DNAH1: variants seen among roughly 807,000 people sequenced by gnomAD.
The protein encoded by DNAH1 is dynein axonemal heavy chain 1.
Under a neutral mutation model 484.3 loss-of-function variants are expected in DNAH1, and 327 were observed. The observed-to-expected ratio is 0.68, with a 90% CI of 0.62 to 0.74. The LOEUF (loss-of-function observed/expected upper bound fraction) is 0.74, where lower values mean the gene tolerates loss of function less well. Ranked by LOEUF, DNAH1 falls within the 30% of genes least tolerant of loss-of-function variation. The probability of loss-of-function intolerance (pLI) is 0.00; values close to 1 mark genes in which losing one functional copy is unlikely to be tolerated. For synonymous variants in DNAH1, 2,192 were observed against 2,191.9 expected (o/e 1.00, Z 0.00); for missense variants, 5,052 against 5,546.8 (o/e 0.91, Z 2.83).
Position 52,369,884 on chromosome 3 carries a change from C to T in DNAH1, c.6003C>T (p.Ser2001=). 3 of 1,613,948 alleles carry T rather than the reference C, an allele frequency of 1.9e-6. No homozygotes were observed. Among genetic ancestry groups the T allele is most frequent in the Non-Finnish European group, 2.5e-6 (3 of 1,179,856 alleles). ...CGGTGGCTTCACCAGCTACAGTCTC[C>T]CGCTGTGGCATGGTGTACCTGGAGC... The part of the protein sequence containing the change: ...DLAVASPATV[S]RCGMVYLEPS... The change falls in exon 38 of 78, where the codon TCC becomes TCT. Residue 2001 remains serine, a synonymous_variant. Transcript: ENST00000420323.
Position 52,359,272 on chromosome 3 carries a change from C to T in DNAH1, c.4293C>T (p.Asn1431=), listed in dbSNP as rs1473566116. 6 of 1,568,568 alleles carry T rather than the reference C, an allele frequency of 3.8e-6. No individual in the cohort carries two copies. Among genetic ancestry groups the T allele is most frequent in the Non-Finnish European group, 4.3e-6 (5 of 1,156,000 alleles). The change falls in exon 26 of 78, where the codon AAC becomes AAT. Residue 1431 remains asparagine (N), a synonymous_variant. Transcript: ENST00000420323. ...PTMPRTQWVL[N]WPGQVTIAGC... is the part of the protein sequence containing the mutation. Reference sequence around the variant, plus strand: ...TGCCCAGGACCCAGTGGGTTCTGAACTGGCCTGGCCAGGTGACCATCGCTG... The same window carrying T: ...TGCCCAGGACCCAGTGGGTTCTGAATTGGCCTGGCCAGGTGACCATCGCTG...
rs762538418 is a variant in DNAH1, at chr3:52,371,947, T to C, written c.6527T>C (p.Val2176Ala). The change falls in exon 42 of 78, where the codon GTT becomes GCT. Residue 2176 changes from valine (V) to alanine (A), a missense_variant and splice_region_variant. Coordinates refer to ENST00000420323, the MANE Select transcript of DNAH1 (RefSeq NM_015512.5). ...CTGCTGAGCCACCTATGATTCCAGG[T>C]TGCCTGGGTGAAGTGGATGGACTCC... Reference protein sequence around the residue: ...SEDEEEEYKQVAWVKWMDSSA... With the variant: ...SEDEEEEYKQAAWVKWMDSSA... 2 of 1,613,292 alleles carry C rather than the reference T, an allele frequency of 1.2e-6. No homozygotes were observed. The highest frequency in any genetic ancestry group is 2.2e-5 in the South Asian group (2 of 91,064).
Position 52,368,419 on chromosome 3 carries a change from T to A in DNAH1, c.5766-322T>A, listed in dbSNP as rs182733690. 3.3e-5 allele frequency among the ~76,000 whole-genome samples: 5 copies of A among 152,192 alleles called. No homozygotes were observed. The East Asian group carries it at 9.7e-4, about 29-fold the overall frequency. On this transcript the variant is annotated intron_variant, in intron 36 of 77. Transcript: ENST00000420323. This position sits in a 1 kb window ranked among gnomAD's most constrained non-coding sequence, Gnocchi z 4.4. ...CCACGCTGCTTTCTCTGCCCTGTCATTTACCCTCCTCCATCCTTGTCCATT... is the reference window on the plus strand; with the variant it reads ...CCACGCTGCTTTCTCTGCCCTGTCAATTACCCTCCTCCATCCTTGTCCATT...
At chr3:52,342,762 A>G (rs1701997266) in intron 8 of DNAH1, among the ~76,000 whole-genome samples, 1 of 152,214 alleles carries the variant, frequency 6.6e-6, no homozygotes, top group South Asian at 2.1e-4. Context: ...GCAAGCGAGG[A>G]ACAGGGGATG....
At chr3:52,338,060 C>G (rs1444702598) in intron 8 of DNAH1, among the ~76,000 whole-genome samples, 1 of 152,182 alleles carries the variant, frequency 6.6e-6, no homozygotes. Flanking sequence ...TCCCAAAGTG[C>G]TGGCATTATA....
rs1704570825 is a variant in DNAH1, at chr3:52,395,313, C to T, written c.10974C>T (p.Ala3658=). The T allele has an allele frequency of 2.5e-6, 4 of 1,613,360 alleles. No homozygotes were observed. Among genetic ancestry groups the T allele is most frequent in the East Asian group, 4.5e-5 (2 of 44,880 alleles). The change falls in exon 69 of 78, where the codon GCC becomes GCT. Residue 3658 remains alanine, a synonymous_variant. Transcript: ENST00000420323. This position sits in a 1 kb window ranked among gnomAD's most constrained non-coding sequence, Gnocchi z 4.4. The part of the protein sequence containing the change: ...LEPRFIEPQT[A]NLSVVFKDSN... ...ATCTCCCCCTGCCCTTGCAGACAGC[C>T]AATCTGTCAGTGGTGTTCAAAGACT...
rs763879186 is a variant in DNAH1 at position 52,346,683 on chromosome 3, C to T, written c.1868C>T (p.Ser623Leu). 6.2e-7 allele frequency: 1 copy of T among 1,614,042 alleles called. No homozygotes were observed. Among genetic ancestry groups the T allele is most frequent in the African/African-American group, 1.3e-5 (1 of 75,072 alleles). ...GTGCAGGACTCACTTGCCAGCTTCT[C>T]ACAGTTCATCAGCGACACCTGTTGC... Reference protein sequence around the residue: ...FLVQDSLASFSQFISDTCCSV... With the variant: ...FLVQDSLASFLQFISDTCCSV... The change falls in exon 11 of 78, where the codon TCA becomes TTA. Residue 623 changes from serine to leucine, a missense_variant. Around this residue, in one of 4 missense-constraint regions of DNAH1, gnomAD observed 1,263 missense variants for 1,218.8 expected, o/e 1.04. Transcript: ENST00000420323.
rs1703190034 is a variant in DNAH1, at chr3:52,368,758, C to T, written c.5783C>T (p.Ser1928Phe). 2 of 1,613,762 alleles carry T rather than the reference C, an allele frequency of 1.2e-6. No individual in the cohort carries two copies. The highest frequency in any genetic ancestry group is 2.2e-5 in the East Asian group (1 of 44,882). ...CGCTGCAGGACAGACGGGATATTCT[C>T]CTCGTTCATCCGGGCGGGGGCCATC... ...LTHEWTDGIFSSFIRAGAITS... is the reference protein window; with the variant it reads ...LTHEWTDGIFFSFIRAGAITS... Residue 1928 changes from serine (S) to phenylalanine (F), a missense_variant, in exon 37 of 78, where the codon TCC becomes TTC. Physicochemically the swap from Ser to Phe is radical, Grantham distance 155. Coordinates refer to ENST00000420323, the MANE Select transcript of DNAH1 (RefSeq NM_015512.5). This position sits in a 1 kb window ranked among gnomAD's most constrained non-coding sequence, Gnocchi z 4.4.
rs1355265466 is a variant in DNAH1 at position 52,352,723 on chromosome 3, G to T, written c.3027+16G>T. 1.2e-6 allele frequency: 2 copies of T among 1,603,740 alleles called. No homozygotes were observed. The highest frequency in any genetic ancestry group is 8.5e-7 in the Non-Finnish European group (1 of 1,173,168). On this transcript the variant is annotated intron_variant, in intron 18 of 77. Transcript: ENST00000420323. ...CATCACCAATGTAGGCCTCCTGCAG[G>T]CACCCTGCCCCCATGCCCCCAGGCT...
intron 37 of DNAH1, among the ~76,000 whole-genome samples, chr3:52,369,588 C>T (rs1383255171): frequency 6.6e-6 from 1 of 152,190 alleles, no homozygotes; most frequent in African/African-American, 2.4e-5. Context: ...TGACCCCAGT[C>T]TGGTCAGCGA....
At chr3:52,340,159 T>A (rs1358393738) in intron 8 of DNAH1, among the ~76,000 whole-genome samples, 2 of 152,210 alleles carry the variant, frequency 1.3e-5, no homozygotes, top group Non-Finnish European at 2.9e-5. Context: ...CACAGCTAAC[T>A]GCAGCCTCAA....
In DNAH1 at chr3:52,388,055, T is replaced by C; in HGVS notation, c.9004-112T>C. On this transcript the variant is annotated intron_variant, in intron 56 of 77. Coordinates refer to ENST00000420323, the MANE Select transcript of DNAH1 (RefSeq NM_015512.5). ...AGGAGAAAGAATCTGTACTGAGGCC[T>C]GCACAGGGCATAAAAGCCAGGGTGT... 2.2e-6 allele frequency: 3 copies of C among 1,373,556 alleles called. No individual in the cohort carries two copies. The South Asian group carries it at 4.1e-5, about 19-fold the overall frequency. The allele number at this position is 1,373,556 out of a possible 1,614,324, so 85.1% of individuals were successfully genotyped here.
Position 52,360,340 on chromosome 3 carries a change from T to G in DNAH1, c.4601T>G (p.Ile1534Ser). Residue 1534 changes from isoleucine to serine, a missense_variant, in exon 28 of 78, where the codon ATC (isoleucine) becomes AGC (serine). Physicochemically the swap from Ile to Ser is moderately radical, Grantham distance 142. Transcript: ENST00000420323. Reference protein sequence around the residue: ...RYYWTNNDLYIRAVNAEFIYG... With the variant: ...RYYWTNNDLYSRAVNAEFIYG... ...TACTGGACAAATAATGACCTGTATA[T>G]CCGTGCTGTGAATGCTGAGTTCATC... The G allele has an allele frequency of 1.2e-6, 2 of 1,613,970 alleles. No homozygotes were observed. Among genetic ancestry groups the G allele is most frequent in the Non-Finnish European group, 1.7e-6 (2 of 1,179,868 alleles).
In DNAH1 at chr3:52,356,605, C is replaced by T. The variant is rs769438210; in HGVS notation, c.3694-9C>T. On this transcript the variant is annotated splice_polypyrimidine_tract_variant and intron_variant, in intron 21 of 77. Transcript: ENST00000420323. ...ATATCACACCCCTCCCTGCCCCTCC[C>T]CTCCCCAGGAGGTTCTGGAGGAGTG... The T allele has an allele frequency of 1.9e-6, 3 of 1,612,788 alleles. No individual in the cohort carries two copies. Among genetic ancestry groups the T allele is most frequent in the African/African-American group, 1.3e-5 (1 of 75,010 alleles).
At chr3:52,356,521 C>G in intron 21 of DNAH1, 93 bp from the exon 22 acceptor site, 2 of 1,313,288 alleles carry the variant, frequency 1.5e-6, no homozygotes, top group Non-Finnish European at 2.1e-6. Context: ...GCCCAACATG[C>G]TGGTGGGGTG....
chr3:52,377,116 C>T (rs1032356867), intron 46 of DNAH1, among the ~76,000 whole-genome samples: 1 of 152,170 alleles, frequency 6.6e-6, no homozygotes, highest in Non-Finnish European at 1.5e-5. Flanking sequence ...CAGCCCAGAC[C>T]TCTCCCATGA....
At chr3:52,385,831 C>T (rs902974003) in intron 54 of DNAH1, among the ~76,000 whole-genome samples, 31 of 152,196 alleles carry the variant, frequency 2.0e-4, no homozygotes, top group Non-Finnish European at 4.4e-4. Context: ...AAAGTCAGTG[C>T]ATTGCAAAAC....
rs766634164 is a variant in DNAH1, at chr3:52,400,350, T to C, written c.12702T>C (p.Ser4234=). ...GAACACTATCAACCACAGGACACTC[T>C]ACCAACTATGTCATTGCTGTGGAGA... ...RAGTLSTTGH[S]TNYVIAVEIP... The change falls in exon 78 of 78, where the codon TCT becomes TCC. Residue 4234 remains serine, a synonymous_variant. Transcript: ENST00000420323. 8.1e-6 allele frequency: 13 copies of C among 1,613,878 alleles called. No individual in the cohort carries two copies. In the East Asian group the frequency reaches 1.1e-4, roughly 14 times the overall value.
intron 44 of DNAH1, among the ~76,000 whole-genome samples, chr3:52,373,353 C>T (rs569162285): frequency 5.2e-4 from 77 of 148,974 alleles, no homozygotes; most frequent in Middle Eastern, 6.8e-3. Context: ...GCTGCTGCTG[C>T]GGGGGCAGGA....
Sources: gnomAD v4.1 joint callset for allele counts (sites outside exome capture counted in the v4.1 genomes callset) on GRCh38, gnomAD v4.1.1 for gene constraint, gnomAD v4.1.1 regional missense constraint, Gnocchi (gnomAD v3.1) non-coding constraint, MANE v1.5 for transcripts, NCBI Gene and HGNC (gene_info 2026-07-23, HGNC 2026-07-21) for gene names.